The following DGKI variants were observed in gnomAD, a reference collection of about 807,000 sequenced individuals.
DGKI encodes DAG kinase iota.
In DGKI, 55 loss-of-function variants were observed where a neutral mutation model predicts 147.5. The ratio of observed to expected loss-of-function variants is 0.37; its 90% CI spans 0.30 to 0.47. The LOEUF is 0.47. Among genes scored for constraint, DGKI ranks in the 20% least tolerant of loss-of-function variants. DGKI has a pLI of 1.00. For missense variants in DGKI, 1,007 were observed against 1,323.8 expected (o/e 0.76, Z 3.71); for synonymous variants, 469 against 477.1 (o/e 0.98, Z 0.22).
chr7:137,524,545 T>G (rs1276054477), intron 20 of DGKI, among the ~76,000 whole-genome samples: 1 of 152,136 alleles, frequency 6.6e-6, no homozygotes, highest in African/African-American at 2.4e-5. Context: ...CACATGGTGT[T>G]CACATTAGAT....
intron 27 of DGKI, among the ~76,000 whole-genome samples, chr7:137,459,002 G>A (rs1814314173): frequency 6.6e-6 from 1 of 152,064 alleles, no homozygotes; most frequent in South Asian, 2.1e-4. Context: ...ATGTTCACAG[G>A]TTTTGCAGAC....
At chr7:137,427,835 C>T (rs1455433791) in intron 28 of DGKI, among the ~76,000 whole-genome samples, 1 of 152,168 alleles carries the variant, frequency 6.6e-6, no homozygotes, top group African/African-American at 2.4e-5. Context: ...CATACACCCT[C>T]CCAAGACTAA....
At chr7:137,706,807 C>A (rs1476606343) in intron 1 of DGKI, among the ~76,000 whole-genome samples, 3 of 152,092 alleles carry the variant, frequency 2.0e-5, no homozygotes, top group African/African-American at 7.2e-5. Flanking sequence ...CTCCTGACCT[C>A]GTGATCCACC....
At chr7:137,806,036 C>T (rs1206841769) in intron 1 of DGKI, among the ~76,000 whole-genome samples, 2 of 152,182 alleles carry the variant, frequency 1.3e-5, no homozygotes, top group Admixed American at 1.3e-4. Context: ...TCTTCTTAAC[C>T]TCATTCATTA....
intron 1 of DGKI, among the ~76,000 whole-genome samples, chr7:137,727,064 G>A (rs947907135): frequency 6.6e-6 from 1 of 151,832 alleles, no homozygotes; most frequent in East Asian, 1.9e-4. Flanking sequence ...AAAAAAAAAT[G>A]TTTTCTCATG....
At chr7:137,791,252 T>G (rs779461642) in intron 1 of DGKI, among the ~76,000 whole-genome samples, 1 of 152,178 alleles carries the variant, frequency 6.6e-6, no homozygotes, top group Non-Finnish European at 1.5e-5. Flanking sequence ...GGCCATAATA[T>G]GAACTAGAAG....
chr7:137,391,269 C>G lies in DGKI; in HGVS notation c.3125G>C (p.Arg1042Pro), dbSNP rs140965171. 9 of 1,613,550 alleles carry G rather than the reference C, an allele frequency of 5.6e-6. No homozygotes were observed. In the African/African-American group the frequency reaches 1.2e-4, roughly 22 times the overall value. ...DPDLAAYLES[R>P]QNYKVIGHED... Reference sequence around the variant, plus strand: ...ATGGCCAATGACCTTATAGTTCTGACGGCTTTCTAGGTAAGCAGCCAAGTC... The same window carrying G: ...ATGGCCAATGACCTTATAGTTCTGAGGGCTTTCTAGGTAAGCAGCCAAGTC... Residue 1042 changes from arginine (R) to proline (P), a missense_variant, in exon 33 of 33, where the codon CGT (arginine) becomes CCT (proline). By Grantham distance (103) the Arg-to-Pro change is moderately radical (BLOSUM62 -2). Around this residue, in one of 5 missense-constraint regions of DGKI, gnomAD observed 385 missense variants for 445.2 expected, o/e 0.86. Coordinates refer to ENST00000614521, the MANE Select transcript of DGKI (RefSeq NM_001321708.2).
At chr7:137,547,473 G>A (rs1817903918) in intron 20 of DGKI, among the ~76,000 whole-genome samples, 1 of 152,226 alleles carries the variant, frequency 6.6e-6, no homozygotes, top group African/African-American at 2.4e-5. Flanking sequence ...ACCATAGCTT[G>A]AAATTATTAA....
intron 1 of DGKI, among the ~76,000 whole-genome samples, chr7:137,775,683 A>G (rs1339191429): frequency 6.6e-6 from 1 of 152,226 alleles, no homozygotes; most frequent in Non-Finnish European, 1.5e-5. Context: ...GCAGACAAAG[A>G]TGTAAGAGAA....
intron 1 of DGKI, among the ~76,000 whole-genome samples, chr7:137,788,389 G>C (rs1328126409): frequency 6.6e-6 from 1 of 151,742 alleles, no homozygotes; most frequent in Admixed American, 6.6e-5. Context: ...TCCCTTCACT[G>C]TCTTCCACTT....
At chr7:137,484,596 G>A (rs903902751) in intron 23 of DGKI, among the ~76,000 whole-genome samples, 1 of 152,012 alleles carries the variant, frequency 6.6e-6, no homozygotes, top group African/African-American at 2.4e-5. Flanking sequence ...GTAATACTGT[G>A]TACTAGGATC....
intron 27 of DGKI, among the ~76,000 whole-genome samples, chr7:137,454,221 T>G (rs973862812): frequency 2.0e-5 from 3 of 152,194 alleles, no homozygotes; most frequent in Non-Finnish European, 2.9e-5. Context: ...CTTCAAAAAA[T>G]CATGTTGTAC....
intron 1 of DGKI, among the ~76,000 whole-genome samples, chr7:137,746,012 T>C (rs1795315581): frequency 6.6e-6 from 1 of 152,274 alleles, no homozygotes; most frequent in Non-Finnish European, 1.5e-5. Flanking sequence ...CAAGTTTGGT[T>C]CAATTCACAG....
chr7:137,580,615 G>C (rs1313055644), intron 15 of DGKI, among the ~76,000 whole-genome samples: 1 of 152,088 alleles, frequency 6.6e-6, no homozygotes, highest in African/African-American at 2.4e-5. Context: ...GGGAAACCAG[G>C]AAGGTCAAAG....
At chr7:137,603,304 T>C (rs1820059435) in intron 10 of DGKI, among the ~76,000 whole-genome samples, 1 of 152,162 alleles carries the variant, frequency 6.6e-6, no homozygotes. Context: ...GCACCATAAC[T>C]CTAGTGTAGG....
intron 1 of DGKI, among the ~76,000 whole-genome samples, chr7:137,833,924 G>A (rs1187407700): frequency 8.5e-5 from 13 of 152,208 alleles, no homozygotes; most frequent in Non-Finnish European, 1.5e-5. Flanking sequence ...ATATAGCACA[G>A]AATAATGCTT....
At chr7:137,505,086 T>C (rs982078532) in intron 21 of DGKI, among the ~76,000 whole-genome samples, 3 of 111,344 alleles carry the variant, frequency 2.7e-5, no homozygotes, top group Non-Finnish European at 4.9e-5. Context: ...TGAGAACACA[T>C]AGACAAAGGG....
intron 1 of DGKI, among the ~76,000 whole-genome samples, chr7:137,822,588 G>C (rs991410280): frequency 6.6e-6 from 1 of 152,092 alleles, no homozygotes; most frequent in African/African-American, 2.4e-5. Flanking sequence ...TGCACACCGA[G>C]CTTCCATTCA....
intron 31 of DGKI, among the ~76,000 whole-genome samples, chr7:137,396,812 A>G (rs1023018033): frequency 6.6e-6 from 1 of 152,206 alleles, no homozygotes; most frequent in Non-Finnish European, 1.5e-5. Flanking sequence ...AAGGTTGAAA[A>G]CAAACATTAT....
Sources: allele counts gnomAD v4.1 joint callset (sites outside exome capture counted in the v4.1 genomes callset), GRCh38; gene constraint gnomAD v4.1.1; regional missense constraint gnomAD v4.1.1; transcripts MANE v1.5; gene names NCBI Gene and HGNC (gene_info 2026-07-23, HGNC 2026-07-21).